TLN2: variants seen among roughly 807,000 people sequenced by gnomAD.
TLN2 encodes talin 2, also known as talin-2.
TLN2 carries 118 observed loss-of-function variants against 294.7 expected under a neutral mutation model. The ratio of observed to expected loss-of-function variants is 0.40; its 90% CI spans 0.34 to 0.47. TLN2 has a LOEUF of 0.47. TLN2 is among the 20% of genes least tolerant of loss of function. The pLI is 0.84. For missense variants in TLN2, 3,083 were observed against 3,282.2 expected (o/e 0.94, Z 1.48); for synonymous variants, 1,431 against 1,304.5 (o/e 1.10, Z -2.09).
At chr15:62,799,455 C>A (rs2065772055) in intron 48 of TLN2, among the ~76,000 whole-genome samples, 1 of 152,194 alleles carries the variant, frequency 6.6e-6, no homozygotes, top group South Asian at 2.1e-4. Flanking sequence ...AAATCCGGCA[C>A]TTTGAAAAGA....
chr15:62,783,218 G>C (rs1243047272), intron 44 of TLN2, among the ~76,000 whole-genome samples: 2 of 152,208 alleles, frequency 1.3e-5, no homozygotes, highest in African/African-American at 4.8e-5. Context: ...CTAAAACACT[G>C]ACTTATCCAG....
chr15:62,723,708 AT>A (rs964091476), intron 26 of TLN2, among the ~76,000 whole-genome samples: 15 of 150,646 alleles, frequency 1.0e-4, no homozygotes, highest in African/African-American at 2.9e-4. Context: ...CATCCAATTA[AT>A]TTTTTTTGTT....
chr15:62,666,370 G>A (rs557793150), intron 9 of TLN2, among the ~76,000 whole-genome samples: 3 of 152,176 alleles, frequency 2.0e-5, no homozygotes, highest in South Asian at 2.1e-4. Context: ...GAGGCTTCAC[G>A]CAGCATTCAC....
At chr15:62,540,356 C>CTTTT (rs11071674) in intron 1 of TLN2, among the ~76,000 whole-genome samples, 12 of 138,258 alleles carry the variant, frequency 8.7e-5, no homozygotes, top group African/African-American at 3.0e-4. Flanking sequence ...AATAAATAAA[C>CTTTT]TTTTTTTTTT....
intron 1 of TLN2, among the ~76,000 whole-genome samples, chr15:62,499,536 C>G (rs2039193503): frequency 6.6e-6 from 1 of 152,176 alleles, no homozygotes; most frequent in Non-Finnish European, 1.5e-5. Context: ...GGAAAGGAGA[C>G]AGGGCCAACA....
intron 37 of TLN2, among the ~76,000 whole-genome samples, chr15:62,760,609 G>A (rs2062599372): frequency 1.3e-5 from 2 of 152,178 alleles, no homozygotes; most frequent in Non-Finnish European, 2.9e-5. Context: ...GTCACAGGCT[G>A]TAGGTTCTAA....
chr15:62,394,259 A>C (rs767395610), intron 1 of TLN2, among the ~76,000 whole-genome samples: 3 of 152,218 alleles, frequency 2.0e-5, no homozygotes, highest in Non-Finnish European at 2.9e-5. Context: ...CTCTTGAGAC[A>C]GTTTCTACAA....
chr15:62,833,800 A>G lies in TLN2; in HGVS notation c.7128+171A>G. The G allele has an allele frequency of 4.5e-6, 4 of 893,904 alleles. No individual in the cohort carries two copies. In the South Asian group the frequency reaches 9.6e-5, roughly 21 times the overall value. 55.4% of individuals were successfully genotyped at this position (893,904 alleles called of 1,614,324 possible). Reference sequence around the variant, plus strand: ...ACTGAAAACTACAGCCTTCAGACCAACAGAATAAGAGGTTTGGCTTCTGGG... The same window carrying G: ...ACTGAAAACTACAGCCTTCAGACCAGCAGAATAAGAGGTTTGGCTTCTGGG... On this transcript the variant is annotated intron_variant, in intron 55 of 58. Transcript: ENST00000636159.
At position 62,697,831 on chromosome 15, in the gene TLN2, T is replaced by C. The variant is rs773689205; in HGVS notation, c.1436T>C (p.Met479Thr). 1.1e-5 allele frequency: 18 copies of C among 1,612,768 alleles called. No individual in the cohort carries two copies. The South Asian group carries it at 2.0e-4, about 18-fold the overall frequency. ...ATGCCCTCGCCACAGCAGCAGGTCA[T>C]GGTTGGGCAGATGCACCGAGGCCAC... ...GSMPSPQQQV[M>T]VGQMHRGHMP... The change falls in exon 15 of 59, where the codon ATG becomes ACG. Residue 479 changes from methionine to threonine, a missense_variant. Met to Thr is a moderately conservative substitution (Grantham distance 81). Coordinates refer to ENST00000636159, the MANE Select transcript of TLN2 (RefSeq NM_015059.3).
At position 62,792,713 on chromosome 15, in the gene TLN2, G is replaced by A. The variant is rs757198815; in HGVS notation, c.5809G>A (p.Ala1937Thr). The A allele has an allele frequency of 6.2e-7, 1 of 1,614,050 alleles. No individual in the cohort carries two copies. Residue 1937 changes from alanine (A) to threonine (T), a missense_variant, in exon 46 of 59, where the codon GCC (alanine) becomes ACC (threonine). Physicochemically the swap from Ala to Thr is moderately conservative, Grantham distance 58. Coordinates refer to ENST00000636159, the MANE Select transcript of TLN2 (RefSeq NM_015059.3). The part of the protein sequence containing the change: ...GCIFLVQKAG[A>T]LQVCPTDSYT... Reference sequence around the variant, plus strand: ...TATCTTCCTGGTGCAGAAGGCAGGGGCCCTCCAGGTCTGCCCCACAGACAG... The same window carrying A: ...TATCTTCCTGGTGCAGAAGGCAGGGACCCTCCAGGTCTGCCCCACAGACAG...
intron 39 of TLN2, chr15:62,763,178 CATA>C (rs1362763520): frequency 6.3e-6 from 1 of 159,892 alleles, no homozygotes; most frequent in Non-Finnish European, 1.3e-5. Context: ...ATGTAGAAAG[CATA>C]ATATGTTTGC....
At position 62,459,794 on chromosome 15, in the gene TLN2, C is replaced by G. The variant is rs192212840; in HGVS notation, c.-238+69109C>G. Reference sequence around the variant, plus strand: ...GGCTTGTTCTTTGGGTCACAGTTGGCCTGGGGCCACTTAGTGTCTGAGGTC... The same window carrying G: ...GGCTTGTTCTTTGGGTCACAGTTGGGCTGGGGCCACTTAGTGTCTGAGGTC... On this transcript the variant is annotated intron_variant, in intron 1 of 58. Coordinates refer to ENST00000636159, the MANE Select transcript of TLN2 (RefSeq NM_015059.3). Among the ~76,000 whole-genome samples, 50 of 152,244 alleles carry G rather than the reference C, an allele frequency of 3.3e-4. No individual in the cohort carries two copies. The East Asian group carries it at 8.5e-3, about 26-fold the overall frequency.
At chr15:62,557,543 T>C (rs1013281973) in intron 1 of TLN2, among the ~76,000 whole-genome samples, 5 of 152,186 alleles carry the variant, frequency 3.3e-5, no homozygotes. Context: ...TTGTCACAAC[T>C]ATTCTTTCTT....
chr15:62,532,829 G>A (rs138372015), intron 1 of TLN2, among the ~76,000 whole-genome samples: 3 of 152,290 alleles, frequency 2.0e-5, no homozygotes, highest in East Asian at 1.9e-4. Flanking sequence ...AGTGGGAAAC[G>A]AGATGCCCCA....
At chr15:62,725,482 A>G (rs2060388976) in intron 27 of TLN2, among the ~76,000 whole-genome samples, 1 of 152,222 alleles carries the variant, frequency 6.6e-6, no homozygotes, top group Non-Finnish European at 1.5e-5. Context: ...GCGTCCATAC[A>G]GGAAAGCCAT....
chr15:62,571,660 G>A (rs888791210), intron 1 of TLN2, among the ~76,000 whole-genome samples: 1 of 152,108 alleles, frequency 6.6e-6, no homozygotes, highest in Admixed American at 6.6e-5. Context: ...AGGCTCCCAT[G>A]TACCAGCTTA....
chr15:62,551,427 G>T (rs558680022), intron 1 of TLN2, among the ~76,000 whole-genome samples: 1 of 151,970 alleles, frequency 6.6e-6, no homozygotes, highest in Admixed American at 6.6e-5. Context: ...ATCTCAGCAC[G>T]TTGGGAGGCC....
intron 46 of TLN2, 50 bp from the exon 47 acceptor site, chr15:62,796,077 C>T (rs1177776917): frequency 1.3e-6 from 2 of 1,595,228 alleles, no homozygotes; most frequent in South Asian, 1.1e-5. Context: ...GCTTTTAGGT[C>T]CTGTTCTCTC....
chr15:62,511,819 T>G (rs1160614228), intron 1 of TLN2, among the ~76,000 whole-genome samples: 1 of 152,214 alleles, frequency 6.6e-6, no homozygotes, highest in Non-Finnish European at 1.5e-5. Context: ...GACCCCATTT[T>G]TCTGAATTTC....
Sources: allele counts gnomAD v4.1 joint callset (sites outside exome capture counted in the v4.1 genomes callset), GRCh38; gene constraint gnomAD v4.1.1; transcripts MANE v1.5; gene names NCBI Gene and HGNC (gene_info 2026-07-23, HGNC 2026-07-21).